Variants in ZNF180 observed in about 807,000 individuals in gnomAD.
The protein encoded by ZNF180 is zinc finger protein 180.
ZNF180 carries 11 observed loss-of-function variants against 11.8 expected under a neutral mutation model. The ratio of observed to expected loss-of-function variants is 0.93; its 90% CI spans 0.59 to 1.55. The LOEUF is 1.55. Ranked by LOEUF, ZNF180 falls within the 40% of genes most tolerant of loss-of-function variation. The pLI is 0.00. For synonymous variants in ZNF180, 287 were observed against 257.7 expected, an observed-to-expected ratio of 1.11 and a Z score of -1.09; for missense variants, 773 against 781.7, an observed-to-expected ratio of 0.99 and a Z score of 0.13.
chr19:44,476,657 A>G lies in ZNF180; in HGVS notation c.1743T>C (p.Ser581=). 6.2e-7 allele frequency: 1 copy of G among 1,614,188 alleles called. No individual in the cohort carries two copies. The highest frequency in any genetic ancestry group is 8.5e-7 in the Non-Finnish European group (1 of 1,180,014). ...TCTGTCTGAAGGACTTCCCACATTG[A>G]CTGCATTCATAGGGCTTTTCTCCAG... ...THTGEKPYEC[S]QCGKSFRQSS... Residue 581 remains serine (S), a synonymous_variant, in exon 5 of 5, where the codon AGT becomes AGC. Transcript: ENST00000592529.
intron 1 of ZNF180, 60 bp downstream of exon 1, chr19:44,500,215 C>G (rs753493486): frequency 1.2e-6 from 2 of 1,614,162 alleles, no homozygotes; most frequent in South Asian, 2.2e-5. Context: ...TCCAGCTTCC[C>G]GCGTAGACCC....
chr19:44,499,277 C>G (rs551776569), intron 1 of ZNF180, among the ~76,000 whole-genome samples: 3 of 152,168 alleles, frequency 2.0e-5, no homozygotes, highest in African/African-American at 7.2e-5. Context: ...GTTGTGCAGT[C>G]AGCTCTTCCC....
At chr19:44,479,125 A>C (rs1301321151) in intron 4 of ZNF180, among the ~76,000 whole-genome samples, 158 bp downstream of exon 4, 2 of 152,226 alleles carry the variant, frequency 1.3e-5, no homozygotes, top group Non-Finnish European at 2.9e-5. Flanking sequence ...TTTCTACCCT[A>C]CAAACTAAAA....
Position 44,495,468 on chromosome 19 carries a change from G to A in ZNF180, c.51+1816C>T, listed in dbSNP as rs753446697. Among the ~76,000 whole-genome samples the A allele has an allele frequency of 2.0e-5, 3 of 151,952 alleles. No homozygotes were observed. Among genetic ancestry groups the A allele is most frequent in the Admixed American group, 6.6e-5 (1 of 15,262 alleles). Reference sequence around the variant, plus strand: ...TGACACCCCTGCAGGCCACCCTCACGCATGATGCCCTCAACATGCTCATGC... The same window carrying A: ...TGACACCCCTGCAGGCCACCCTCACACATGATGCCCTCAACATGCTCATGC... On this transcript the variant is annotated intron_variant, in intron 2 of 4. Coordinates refer to ENST00000592529, the MANE Select transcript of ZNF180 (RefSeq NM_001278509.3). The surrounding 1 kb of genome is among the most constrained non-coding windows in gnomAD (Gnocchi z 4.5).
Position 44,497,519 on chromosome 19 carries a change from C to A in ZNF180, c.-43-142G>T. 2.1e-5 allele frequency: 17 copies of A among 791,400 alleles called. 1 individual carries two copies. In the South Asian group the frequency reaches 3.0e-4, roughly 14 times the overall value. 49.0% of individuals were successfully genotyped at this position (791,400 alleles called of 1,614,324 possible). A position where few individuals can be genotyped will look rare whatever the true frequency, so the allele number is the denominator to read the frequency against. On this transcript the variant is annotated intron_variant, in intron 1 of 4. Coordinates refer to ENST00000592529, the MANE Select transcript of ZNF180 (RefSeq NM_001278509.3). ...TCTGGAGGTTCCTGCCAGCTTCCTG[C>A]CCAAATACCTGTGTATGTACTGAGA...
intron 2 of ZNF180, among the ~76,000 whole-genome samples, chr19:44,489,218 A>G (rs1203524284): frequency 1.0e-4 from 5 of 48,172 alleles, no homozygotes; most frequent in East Asian, 7.5e-4. Flanking sequence ...CTGCCCGGCC[A>G]CCACCCCGTC....
rs1970720231 is a variant in ZNF180, at chr19:44,500,335, G to A, written c.-104C>T. On this transcript the variant is annotated 5_prime_UTR_variant, in exon 1 of 5. Transcript: ENST00000592529. ...TGTCACCGCCTCAGTGCCTAGCACG[G>A]CTCTGCGGCAGGACGAACTCGGGTT... 3 of 1,524,784 alleles carry A rather than the reference G, an allele frequency of 2.0e-6. No individual in the cohort carries two copies. Among genetic ancestry groups the A allele is most frequent in the Non-Finnish European group, 9.0e-7 (1 of 1,107,278 alleles). 94.5% of individuals were successfully genotyped at this position (1,524,784 alleles called of 1,614,324 possible).
rs554952092 is a variant in ZNF180 at position 44,500,400 on chromosome 19, G to T, written c.-169C>A. The T allele has an allele frequency of 3.6e-6, 3 of 836,550 alleles. No individual in the cohort carries two copies. The highest frequency in any genetic ancestry group is 3.9e-6 in the Non-Finnish European group (2 of 517,360). 51.8% of individuals were successfully genotyped at this position (836,550 alleles called of 1,614,324 possible). A position where few individuals can be genotyped will look rare whatever the true frequency, so the allele number is the denominator to read the frequency against. ...CCCGATTCTGCAACACGGCCGACTC[G>T]GGTTAAGCTAGTTCGGTCCCCTCTC... On this transcript the variant is annotated 5_prime_UTR_variant, in exon 1 of 5. Transcript: ENST00000592529.
At chr19:44,488,605 G>A (rs1402017762) in intron 2 of ZNF180, among the ~76,000 whole-genome samples, 3 of 152,104 alleles carry the variant, frequency 2.0e-5, no homozygotes, top group Admixed American at 6.5e-5. Context: ...GCGTGATCTC[G>A]GCTCGCTACA....
intron 1 of ZNF180, among the ~76,000 whole-genome samples, chr19:44,499,868 G>A (rs1456810461): frequency 1.3e-5 from 2 of 152,168 alleles, no homozygotes; most frequent in African/African-American, 4.8e-5. Context: ...CAAGAGTAAA[G>A]GGACAGTGGC....
chr19:44,489,980 A>C (rs1970392397), intron 2 of ZNF180, among the ~76,000 whole-genome samples: 11 of 128,258 alleles, frequency 8.6e-5, no homozygotes, highest in African/African-American at 3.3e-4. Context: ...AGAAAGAAAG[A>C]AAGAAAGAAA....
intron 2 of ZNF180, among the ~76,000 whole-genome samples, chr19:44,494,079 A>C (rs1970515505): frequency 6.6e-6 from 1 of 152,230 alleles, no homozygotes; most frequent in Non-Finnish European, 1.5e-5. Context: ...GATAACTAAT[A>C]CAACAAACAG....
rs377050194 is a variant in ZNF180, at chr19:44,477,903, T to C, written c.497A>G (p.Asp166Gly). The C allele has an allele frequency of 1.2e-5, 20 of 1,613,884 alleles. No homozygotes were observed. The highest frequency in any genetic ancestry group is 1.6e-5 in the Non-Finnish European group (19 of 1,180,004). ...CAGACCACTCTTCTCCCCAGTTTCA[T>C]CACTTTTGCAGACTCTCTCATGAAT... ...AVIHERVCKS[D>G]ETGEKSGLNS... The change falls in exon 5 of 5, where the codon GAT becomes GGT. Residue 166 changes from aspartate (D) to glycine (G), a missense_variant. Physicochemically the swap from Asp to Gly is moderately conservative, Grantham distance 94. Coordinates refer to ENST00000592529, the MANE Select transcript of ZNF180 (RefSeq NM_001278509.3).
In ZNF180 at chr19:44,495,923, C is replaced by T. The variant is rs768652336; in HGVS notation, c.51+1361G>A. 2.0e-5 allele frequency among the ~76,000 whole-genome samples: 3 copies of T among 152,212 alleles called. No homozygotes were observed. Among genetic ancestry groups the T allele is most frequent in the Non-Finnish European group, 4.4e-5 (3 of 68,030 alleles). ...ACTGCCCCACCTCACGGCTTCAAGG[C>T]TGACTTGTTCAGGAAGAGAAAGGAG... On this transcript the variant is annotated intron_variant, in intron 2 of 4. Coordinates refer to ENST00000592529, the MANE Select transcript of ZNF180 (RefSeq NM_001278509.3). The surrounding 1 kb of genome is among the most constrained non-coding windows in gnomAD (Gnocchi z 4.5).
chr19:44,488,124 CT>C, intron 2 of ZNF180, among the ~76,000 whole-genome samples: 1 of 58,618 alleles, frequency 1.7e-5, no homozygotes, highest in African/African-American at 5.5e-5. Context: ...CGGTCTCCCT[CT>C]CCTTCTCTTT....
At chr19:44,492,608 C>A (rs115324859) in intron 2 of ZNF180, among the ~76,000 whole-genome samples, 126 of 152,246 alleles carry the variant, frequency 8.3e-4, no homozygotes, top group African/African-American at 2.9e-3. Context: ...CTGTCCGCTT[C>A]ATAGTAAGAC....
At chr19:44,497,205 A>C in intron 2 of ZNF180, 79 bp downstream of exon 2, 1 of 1,310,614 alleles carries the variant, frequency 7.6e-7, no homozygotes, top group South Asian at 1.6e-5. Context: ...GGCTGCAAAG[A>C]GAGTCAGGGA....
chr19:44,490,725 TG>T (rs1970430240), intron 2 of ZNF180, among the ~76,000 whole-genome samples: 1 of 152,222 alleles, frequency 6.6e-6, no homozygotes. Flanking sequence ...AGCAGGTACT[TG>T]GCAGAAACAA....
chr19:44,488,587 G>A (rs1254167434), intron 2 of ZNF180, among the ~76,000 whole-genome samples: 1 of 152,120 alleles, frequency 6.6e-6, no homozygotes, highest in East Asian at 1.9e-4. Context: ...CCAGGCTGGA[G>A]TGCAGTGGCG....
Sources: gnomAD v4.1 joint callset for allele counts (sites outside exome capture counted in the v4.1 genomes callset) on GRCh38, gnomAD v4.1.1 for gene constraint, Gnocchi (gnomAD v3.1) non-coding constraint, MANE v1.5 for transcripts, NCBI Gene and HGNC (gene_info 2026-07-23, HGNC 2026-07-21) for gene names.